The following GRIP2 variants were observed in gnomAD, a reference collection of about 807,000 sequenced individuals.
The protein encoded by GRIP2 is glutamate receptor interacting protein 2, also known as glutamate receptor-interacting protein 2.
A neutral mutation model predicts 108.3 loss-of-function variants in GRIP2; 58 were observed. The observed-to-expected ratio is 0.54, with a 90% CI of 0.43 to 0.67. The LOEUF is 0.67. Among genes scored for constraint, GRIP2 ranks in the 30% least tolerant of loss-of-function variants. GRIP2 has a pLI of 0.00. For missense variants in GRIP2, 1,278 were observed against 1,430.6 expected (o/e 0.89, Z 1.72); for synonymous variants, 586 against 598.2 (o/e 0.98, Z 0.30).
chr3:14,498,126 G>T (rs1009532270), intron 21 of GRIP2, among the ~76,000 whole-genome samples: 1 of 152,164 alleles, frequency 6.6e-6, no homozygotes, highest in East Asian at 1.9e-4. Context: ...GGTGCGGGGG[G>T]TTGGTCTTTT....
chr3:14,541,432 C>T (rs9863287), upstream of GRIP2, among the ~76,000 whole-genome samples: 49,732 of 152,148 alleles, frequency 0.33, 9,315 homozygotes, highest in African/African-American at 0.49. Flanking sequence ...CTTCCATGTG[C>T]CCTGCAGCTA....
At chr3:14,589,334 A>G in the GRIP2 span, among the ~76,000 whole-genome samples, 2 of 152,242 alleles carry the variant, frequency 1.3e-5, no homozygotes, top group African/African-American at 4.8e-5. Context: ...ATGTATTCAC[A>G]GTTGCTTCTA....
chr3:14,593,752 G>T, the GRIP2 span, among the ~76,000 whole-genome samples: 1 of 152,206 alleles, frequency 6.6e-6, no homozygotes, highest in East Asian at 1.9e-4. Flanking sequence ...CTTTGGGCAG[G>T]ACTGTCCTGG....
chr3:14,549,148 A>G (rs1695103373), intron 1 of GRIP2, among the ~76,000 whole-genome samples: 1 of 152,260 alleles, frequency 6.6e-6, no homozygotes, highest in African/African-American at 2.4e-5. Context: ...TGCAGAATGA[A>G]TGAATGAGAA....
chr3:14,564,931 G>T, the GRIP2 span, among the ~76,000 whole-genome samples: 1 of 152,204 alleles, frequency 6.6e-6, no homozygotes. Context: ...ACACAGACGC[G>T]CCTCTTGCTC....
intron 1 of GRIP2, among the ~76,000 whole-genome samples, chr3:14,530,133 A>G (rs1024813553): frequency 6.6e-6 from 1 of 152,234 alleles, no homozygotes; most frequent in Non-Finnish European, 1.5e-5. Flanking sequence ...GTTGAGACAG[A>G]TAAGCTTTTG....
chr3:14,562,737 G>A, the GRIP2 span, among the ~76,000 whole-genome samples: 49 of 33,028 alleles, frequency 1.5e-3, no homozygotes, highest in Middle Eastern at 0.032. Flanking sequence ...TCGGACTCCC[G>A]AGGCAGACGG....
intron 1 of GRIP2, among the ~76,000 whole-genome samples, chr3:14,526,742 C>T (rs555385346): frequency 7.2e-5 from 11 of 152,286 alleles, no homozygotes; most frequent in African/African-American, 2.4e-4. Context: ...TCAAGGGGTG[C>T]TTCATCTGCA....
Position 14,521,365 on chromosome 3 carries a change from A to G in GRIP2, c.712+277T>C. The stretch of plus-strand genomic sequence containing the variant: ...TTTCCATAGCACTTATTGCCAACTG[A>G]CATACACCATATCTTATCTATTCTG... On this transcript the variant is annotated intron_variant, in intron 7 of 23. Transcript: ENST00000621039. This position sits in a 1 kb window ranked among gnomAD's most constrained non-coding sequence, Gnocchi z 5.1. The G allele has an allele frequency of 2.6e-6, 1 of 388,194 alleles. No individual in the cohort carries two copies. The highest frequency in any genetic ancestry group is 4.6e-6 in the Non-Finnish European group (1 of 219,308). 24.0% of individuals were successfully genotyped at this position (388,194 alleles called of 1,614,324 possible).
chr3:14,569,947 G>T, the GRIP2 span, among the ~76,000 whole-genome samples: 1 of 152,128 alleles, frequency 6.6e-6, no homozygotes, highest in African/African-American at 2.4e-5. Flanking sequence ...TTTGCACGAG[G>T]ACTATAATTA....
intron 1 of GRIP2, among the ~76,000 whole-genome samples, chr3:14,552,718 A>T (rs1161124146): frequency 1.4e-5 from 2 of 148,084 alleles, no homozygotes; most frequent in East Asian, 4.0e-4. Flanking sequence ...TCAGCCTCCC[A>T]GGTAGCTGGA....
At chr3:14,565,767 C>G in the GRIP2 span, among the ~76,000 whole-genome samples, 7 of 152,214 alleles carry the variant, frequency 4.6e-5, no homozygotes, top group Admixed American at 2.0e-4. Context: ...CGCGGGCAGT[C>G]TGCAGGTCTG....
At chr3:14,494,440 A>G (rs1190957544) in intron 23 of GRIP2, among the ~76,000 whole-genome samples, 1 of 152,222 alleles carries the variant, frequency 6.6e-6, no homozygotes, top group African/African-American at 2.4e-5. Context: ...GGAAGGTCAC[A>G]TGAGGGGTTT....
the GRIP2 span, among the ~76,000 whole-genome samples, chr3:14,586,027 C>T: frequency 2.0e-5 from 3 of 152,200 alleles, no homozygotes; most frequent in Admixed American, 6.5e-5. Context: ...TTTCACTCTC[C>T]GGCTTTCTCA....
At chr3:14,561,940 T>C in the GRIP2 span, among the ~76,000 whole-genome samples, 1 of 152,242 alleles carries the variant, frequency 6.6e-6, no homozygotes, top group Non-Finnish European at 1.5e-5. Context: ...CAGCAGATCT[T>C]TATTCAGCAC....
At chr3:14,595,983 T>G in the GRIP2 span, among the ~76,000 whole-genome samples, 8 of 152,376 alleles carry the variant, frequency 5.3e-5, no homozygotes, top group African/African-American at 1.9e-4. Context: ...CCTGCCCCCA[T>G]GAGGCTCTAT....
chr3:14,587,057 T>G, the GRIP2 span, among the ~76,000 whole-genome samples: 1 of 152,196 alleles, frequency 6.6e-6, no homozygotes, highest in Non-Finnish European at 1.5e-5. Flanking sequence ...GTCTTTATTT[T>G]CAAAATAGTC....
intron 17 of GRIP2, among the ~76,000 whole-genome samples, chr3:14,509,236 T>G (rs1308797547): frequency 6.6e-6 from 1 of 152,186 alleles, no homozygotes; most frequent in Non-Finnish European, 1.5e-5. Flanking sequence ...CTCGTTGCTG[T>G]GCTGGGAGCT....
chr3:14,507,801 C>G lies in GRIP2; in HGVS notation c.2079-101G>C. The G allele has an allele frequency of 2.2e-6, 3 of 1,378,416 alleles. No homozygotes were observed. The highest frequency in any genetic ancestry group is 3.0e-6 in the Non-Finnish European group (3 of 996,790). The allele number at this position is 1,378,416 out of a possible 1,614,324, so 85.4% of individuals were successfully genotyped here. A position where few individuals can be genotyped will look rare whatever the true frequency, so the allele number is the denominator to read the frequency against. On this transcript the variant is annotated intron_variant, in intron 17 of 23. Coordinates refer to ENST00000621039, the MANE Select transcript of GRIP2 (RefSeq NM_001080423.4). This position sits in a 1 kb window ranked among gnomAD's most constrained non-coding sequence, Gnocchi z 4.6. ...TCCAGGAGAGCCACAAAGCAGAAGT[C>G]TGGCTGACCCCAGTTAAACCCAGCT...
Sources: allele counts gnomAD v4.1 joint callset (sites outside exome capture counted in the v4.1 genomes callset), GRCh38; gene constraint gnomAD v4.1.1; non-coding constraint Gnocchi (gnomAD v3.1); transcripts MANE v1.5; gene names NCBI Gene and HGNC (gene_info 2026-07-23, HGNC 2026-07-21).